Variants in ANKS6 observed in about 807,000 individuals in gnomAD.
ANKS6 encodes ankyrin repeat and SAM domain-containing protein 6.
Under a neutral mutation model 77.9 loss-of-function variants are expected in ANKS6, and 47 were observed. That is an observed-to-expected ratio of 0.60 (90% CI 0.48 to 0.77). ANKS6 has a LOEUF of 0.77. Among genes scored for constraint, ANKS6 ranks in the 30% least tolerant of loss-of-function variants. ANKS6 has a pLI of 0.00. For synonymous variants in ANKS6, 488 were observed against 501.7 expected (o/e 0.97, Z 0.37); for missense variants, 1,150 against 1,159.1 (o/e 0.99, Z 0.11).
rs747614387 is a variant in ANKS6 at position 98,790,344 on chromosome 9, G to T, written c.622C>A (p.Arg208Ser). 6.2e-7 allele frequency: 1 copy of T among 1,612,530 alleles called. No individual in the cohort carries two copies. Among genetic ancestry groups the T allele is most frequent in the South Asian group, 1.1e-5 (1 of 91,068 alleles). Residue 208 changes from arginine to serine, a missense_variant, in exon 2 of 15, where the codon CGT becomes AGT. Arg to Ser is a moderately radical substitution (Grantham distance 110). Transcript: ENST00000353234. ...TCCGCGCCCCACTCCATCAGTAGAC[G>T]CACCACGGCCTCGTGCCCGTGCTGG... ...AIQHGHEAVV[R>S]LLMEWGADPN...
Position 98,780,179 on chromosome 9 carries a change from A to G in ANKS6, c.1368+10T>C. 1 of 1,613,254 alleles carries G rather than the reference A, an allele frequency of 6.2e-7. No individual in the cohort carries two copies. The highest frequency in any genetic ancestry group is 8.5e-7 in the Non-Finnish European group (1 of 1,179,958). Reference sequence around the variant, plus strand: ...GCCCCCAAGCCCCTTTAAGACAGGAAAAGGCAAACCTTCAGTCCACCCTTG... The same window carrying G: ...GCCCCCAAGCCCCTTTAAGACAGGAGAAGGCAAACCTTCAGTCCACCCTTG... On this transcript the variant is annotated intron_variant, in intron 6 of 14. Coordinates refer to ENST00000353234, the MANE Select transcript of ANKS6 (RefSeq NM_173551.5).
chr9:98,766,920 G>A lies in ANKS6; in HGVS notation c.2142+1161C>T, dbSNP rs139334889. ...GACATCTAAGAACTATGAAGAGTGG[G>A]GTTTTGCCTGGACATAGAGTCCCCT... On this transcript the variant is annotated intron_variant, in intron 11 of 14. Coordinates refer to ENST00000353234, the MANE Select transcript of ANKS6 (RefSeq NM_173551.5). Among the ~76,000 whole-genome samples, 982 of 152,224 alleles carry A rather than the reference G, an allele frequency of 6.5e-3. 6 individuals are homozygous for A. The highest frequency in any genetic ancestry group is 0.022 in the African/African-American group (915 of 41,526).
intron 13 of ANKS6, among the ~76,000 whole-genome samples, chr9:98,746,667 C>T (rs1028186696): frequency 1.3e-5 from 2 of 151,582 alleles, no homozygotes; most frequent in Non-Finnish European, 2.9e-5. Flanking sequence ...AGGGCTCCAG[C>T]ATCCTCGCCG....
rs1831416873 is a variant in ANKS6, at chr9:98,735,012, G to C, written c.*1507C>G. The C allele has an allele frequency of 1.0e-5, 10 of 985,462 alleles. No individual in the cohort carries two copies. Among genetic ancestry groups the C allele is most frequent in the Non-Finnish European group, 1.2e-5 (10 of 829,952 alleles). 61.0% of individuals were successfully genotyped at this position (985,462 alleles called of 1,614,324 possible). A position where few individuals can be genotyped will look rare whatever the true frequency, so the allele number is the denominator to read the frequency against. On this transcript the variant is annotated 3_prime_UTR_variant, in exon 15 of 15. Transcript: ENST00000353234. ...CGACAGCCTCTGAAAGCCAGCATAG[G>C]GGAATGGGCTTTCATGGCTGGGGGA... is the stretch of plus-strand genomic sequence containing the variant.
At chr9:98,747,252 A>G (rs1832185173) in intron 13 of ANKS6, among the ~76,000 whole-genome samples, 1 of 151,560 alleles carries the variant, frequency 6.6e-6, no homozygotes, top group Non-Finnish European at 1.5e-5. Flanking sequence ...ATATTCCCTC[A>G]TACCTAACAA....
chr9:98,768,133 C>T lies in ANKS6; in HGVS notation c.2090G>A (p.Ser697Asn). 6.2e-7 allele frequency: 1 copy of T among 1,613,352 alleles called. No homozygotes were observed. The highest frequency in any genetic ancestry group is 1.3e-5 in the African/African-American group (1 of 75,042). Residue 697 changes from serine to asparagine, a missense_variant, in exon 11 of 15, where the codon AGC becomes AAC. Transcript: ENST00000353234. The part of the protein sequence containing the change: ...SSPVGPAPGS[S>N]PSELPASPAG... ...AGGGGAGGCTGGAAGCTCAGACGGG[C>T]TGGACCCCGGTGCTGGCCCCACAGG... is the stretch of plus-strand genomic sequence containing the variant.
chr9:98,768,206 T>A lies in ANKS6; in HGVS notation c.2017A>T (p.Lys673Ter). The stretch of plus-strand genomic sequence containing the variant: ...TGCTCCAATAATCCGGCTGCTTTTT[T>A]CCTCTGGGCAGCGATTTGGGACAAG... ...NVLSQIAAQR[K>*]KAAGLLEQKP... The change falls in exon 11 of 15, where the codon AAA becomes TAA. Residue 673 changes from lysine (K) to a stop codon, truncating the protein, a stop_gained. Coordinates refer to ENST00000353234, the MANE Select transcript of ANKS6 (RefSeq NM_173551.5). LOFTEE classifies it high-confidence loss of function. 2 of 1,614,170 alleles carry A rather than the reference T, an allele frequency of 1.2e-6. No homozygotes were observed. Among genetic ancestry groups the A allele is most frequent in the Non-Finnish European group, 1.7e-6 (2 of 1,180,042 alleles).
Position 98,734,752 on chromosome 9 carries a change from C to G in ANKS6, c.*1767G>C. 1.0e-6 allele frequency: 1 copy of G among 980,908 alleles called. No individual in the cohort carries two copies. Among genetic ancestry groups the G allele is most frequent in the Non-Finnish European group, 1.2e-6 (1 of 825,902 alleles). The allele number at this position is 980,908 out of a possible 1,614,324, so 60.8% of individuals were successfully genotyped here. The stretch of plus-strand genomic sequence containing the variant: ...CAGGGTGGCCATGAGGATGAAATGA[C>G]AAAGGTAAAGCTGCCAGCACATAGT... On this transcript the variant is annotated 3_prime_UTR_variant, in exon 15 of 15. Coordinates refer to ENST00000353234, the MANE Select transcript of ANKS6 (RefSeq NM_173551.5).
Position 98,732,708 on chromosome 9 carries a change from T to C in ANKS6, c.*3811A>G, listed in dbSNP as rs1276915228. On this transcript the variant is annotated 3_prime_UTR_variant, in exon 15 of 15. Transcript: ENST00000353234. ...TGATCCCTGGGGGCTACTATCCCCC[T>C]GTAACCAAAAGGGAAACTGGGACTC... The C allele has an allele frequency of 2.8e-6, 4 of 1,449,292 alleles. No homozygotes were observed. Among genetic ancestry groups the C allele is most frequent in the Non-Finnish European group, 2.7e-6 (3 of 1,105,756 alleles). The allele number at this position is 1,449,292 out of a possible 1,614,324, so 89.8% of individuals were successfully genotyped here. A position where few individuals can be genotyped will look rare whatever the true frequency, so the allele number is the denominator to read the frequency against.
At position 98,733,424 on chromosome 9, in the gene ANKS6, A is replaced by C; in HGVS notation, c.*3095T>G. 5.1e-6 allele frequency: 5 copies of C among 985,410 alleles called. No individual in the cohort carries two copies. Among genetic ancestry groups the C allele is most frequent in the Non-Finnish European group, 6.0e-6 (5 of 829,942 alleles). The allele number at this position is 985,410 out of a possible 1,614,324, so 61.0% of individuals were successfully genotyped here. A position where few individuals can be genotyped will look rare whatever the true frequency, so the allele number is the denominator to read the frequency against. On this transcript the variant is annotated 3_prime_UTR_variant, in exon 15 of 15. Coordinates refer to ENST00000353234, the MANE Select transcript of ANKS6 (RefSeq NM_173551.5). ...CCTCAGCTCAATGCCCTCAGGCTGGAGAGCTCTCAGAACAGGGACCCTGCC... is the reference window on the plus strand; with the variant it reads ...CCTCAGCTCAATGCCCTCAGGCTGGCGAGCTCTCAGAACAGGGACCCTGCC...
At chr9:98,772,097 G>A (rs1448494763) in intron 9 of ANKS6, among the ~76,000 whole-genome samples, 1 of 152,162 alleles carries the variant, frequency 6.6e-6, no homozygotes, top group African/African-American at 2.4e-5. Flanking sequence ...CTAATTCCCA[G>A]AACCTTTGAC....
chr9:98,744,584 G>T (rs1156285984), intron 14 of ANKS6, among the ~76,000 whole-genome samples: 1 of 152,188 alleles, frequency 6.6e-6, no homozygotes, highest in African/African-American at 2.4e-5. Flanking sequence ...ATTTGCTGCT[G>T]GTGGTATGTG....
chr9:98,792,417 G>A (rs544008561), intron 1 of ANKS6, among the ~76,000 whole-genome samples: 94 of 152,234 alleles, frequency 6.2e-4, no homozygotes, highest in African/African-American at 2.2e-3. Flanking sequence ...AGGGTTCCAC[G>A]CATATTGTTT....
At chr9:98,783,482 T>C (rs1183788208) in intron 4 of ANKS6, 1 of 151,400 alleles carries the variant, frequency 6.6e-6, no homozygotes, top group Admixed American at 6.6e-5. Context: ...TAAGAAGGGG[T>C]TCATAAGCAC....
At chr9:98,750,685 G>A (rs751825109) in intron 13 of ANKS6, among the ~76,000 whole-genome samples, 1 of 152,104 alleles carries the variant, frequency 6.6e-6, no homozygotes, top group Admixed American at 6.5e-5. Context: ...CCTAGATCCA[G>A]ACACATAACA....
At chr9:98,782,261 G>A (rs549321605) in intron 5 of ANKS6, among the ~76,000 whole-genome samples, 38 of 152,220 alleles carry the variant, frequency 2.5e-4, no homozygotes, top group East Asian at 1.9e-4. Context: ...GGAAGTCCCC[G>A]GGGCCACCTG....
chr9:98,755,318 C>T (rs1290115770), intron 12 of ANKS6, among the ~76,000 whole-genome samples: 1 of 152,194 alleles, frequency 6.6e-6, no homozygotes, highest in African/African-American at 2.4e-5. Context: ...GACTTATACT[C>T]CTCGATTTGC....
intron 12 of ANKS6, 150 bp from the exon 13 acceptor site, chr9:98,751,246 A>T: frequency 1.5e-6 from 1 of 685,774 alleles, no homozygotes; most frequent in Non-Finnish European, 2.4e-6. Flanking sequence ...GGACTCCTGC[A>T]GATGAGGCTG....
At chr9:98,766,351 C>T (rs1833289633) in intron 11 of ANKS6, among the ~76,000 whole-genome samples, 1 of 151,908 alleles carries the variant, frequency 6.6e-6, no homozygotes, top group African/African-American at 2.4e-5. Flanking sequence ...TTAAAGGAAG[C>T]TAACATATAA....
Sources: allele counts gnomAD v4.1 joint callset (sites outside exome capture counted in the v4.1 genomes callset), GRCh38; gene constraint gnomAD v4.1.1; transcripts MANE v1.5; gene names NCBI Gene and HGNC (gene_info 2026-07-23, HGNC 2026-07-21).